Variants in LRMDA observed in about 807,000 individuals in gnomAD.
LRMDA encodes the protein leucine-rich melanocyte differentiation-associated protein.
LRMDA carries 18 observed loss-of-function variants against 29.8 expected under a neutral mutation model. That is an observed-to-expected ratio of 0.60 (90% CI 0.42 to 0.90). The LOEUF is 0.90. Ranked by LOEUF, LRMDA falls within the 40% of genes least tolerant of loss-of-function variation. The pLI, the probability that LRMDA is intolerant of heterozygous loss-of-function variation, is 0.00. For synonymous variants in LRMDA, 125 were observed against 109.4 expected (o/e 1.14, Z -0.89); for missense variants, 273 against 273.9 (o/e 1.00, Z 0.02).
At chr10:75,463,134 G>A (rs1055832865) in intron 2 of LRMDA, among the ~76,000 whole-genome samples, 9 of 152,174 alleles carry the variant, frequency 5.9e-5, no homozygotes, top group African/African-American at 2.2e-4. Flanking sequence ...GCTTCAGCCC[G>A]AGCTGGAGAG....
At chr10:75,795,819 T>A (rs1843642909) in intron 2 of LRMDA, among the ~76,000 whole-genome samples, 1 of 152,236 alleles carries the variant, frequency 6.6e-6, no homozygotes, top group African/African-American at 2.4e-5. Flanking sequence ...TTTTATTGAC[T>A]CTATGAATTT....
At chr10:75,547,713 G>A (rs1229496646) in intron 2 of LRMDA, among the ~76,000 whole-genome samples, 1 of 152,158 alleles carries the variant, frequency 6.6e-6, no homozygotes, top group East Asian at 1.9e-4. Context: ...AAAAGAAAAA[G>A]AAAGGTGGGC....
chr10:76,423,896 C>G (rs1012642532), intron 6 of LRMDA, among the ~76,000 whole-genome samples: 2 of 152,204 alleles, frequency 1.3e-5, no homozygotes, highest in South Asian at 4.2e-4. Context: ...GGGAGGTGTC[C>G]ATGGTTACTA....
chr10:76,430,080 T>G (rs1842175360), intron 6 of LRMDA, among the ~76,000 whole-genome samples: 1 of 152,246 alleles, frequency 6.6e-6, no homozygotes, highest in South Asian at 2.1e-4. Flanking sequence ...AGCTGGAAAC[T>G]TGTAGCCTGG....
chr10:75,519,309 T>G (rs1193161423), intron 2 of LRMDA, among the ~76,000 whole-genome samples: 2 of 152,208 alleles, frequency 1.3e-5, no homozygotes, highest in Non-Finnish European at 2.9e-5. Flanking sequence ...TGTTAAAGTC[T>G]CCAACTATTA....
rs552889387 is a variant in LRMDA, at chr10:75,962,224, C to A, written c.132-73784C>A. Among the ~76,000 whole-genome samples, 4 of 152,210 alleles carry A rather than the reference C, an allele frequency of 2.6e-5. No individual in the cohort carries two copies. In the South Asian group the frequency reaches 8.3e-4, roughly 32 times the overall value. On this transcript the variant is annotated intron_variant, in intron 2 of 6. Transcript: ENST00000611255. ...GACCCACTAGGCACTAGGGAGTGAG[C>A]TACTGCAGAGTGGCCCCACAAGCAA...
chr10:75,943,957 A>G (rs992996117), intron 2 of LRMDA, among the ~76,000 whole-genome samples: 1 of 152,236 alleles, frequency 6.6e-6, no homozygotes, highest in Non-Finnish European at 1.5e-5. Flanking sequence ...TTTGAAAGAA[A>G]TTGAAAGAAG....
chr10:75,553,042 T>C (rs1376753743), intron 2 of LRMDA, among the ~76,000 whole-genome samples: 2 of 152,234 alleles, frequency 1.3e-5, no homozygotes, highest in Non-Finnish European at 2.9e-5. Flanking sequence ...GCATCACATC[T>C]GTTTCTGGTA....
chr10:75,433,800 A>G (rs751940519), intron 1 of LRMDA, among the ~76,000 whole-genome samples: 3 of 152,180 alleles, frequency 2.0e-5, no homozygotes, highest in Non-Finnish European at 2.9e-5. Context: ...ATATCCAGAG[A>G]CCTATAAATC....
intron 2 of LRMDA, among the ~76,000 whole-genome samples, chr10:75,871,625 G>C (rs556941967): frequency 6.6e-6 from 1 of 151,962 alleles, no homozygotes; most frequent in African/African-American, 2.4e-5. Flanking sequence ...TCCTGCCCCC[G>C]TGTCCTCTCA....
chr10:76,360,715 A>C (rs925617662), intron 6 of LRMDA, among the ~76,000 whole-genome samples: 2 of 152,170 alleles, frequency 1.3e-5, no homozygotes, highest in African/African-American at 2.4e-5. Context: ...AATTTCTCAC[A>C]GGACATATTT....
intron 2 of LRMDA, among the ~76,000 whole-genome samples, chr10:75,564,429 C>T (rs1006385693): frequency 1.3e-5 from 2 of 152,310 alleles, no homozygotes; most frequent in East Asian, 1.9e-4. Context: ...TTCCAGGTGC[C>T]GTCTTTCACC....
chr10:76,464,617 C>A lies in LRMDA; in HGVS notation c.602-92592C>A, dbSNP rs1842546065. Among the ~76,000 whole-genome samples, 5 of 152,314 alleles carry A rather than the reference C, an allele frequency of 3.3e-5. No individual in the cohort carries two copies. In the South Asian group the frequency reaches 1.0e-3, roughly 32 times the overall value. On this transcript the variant is annotated intron_variant, in intron 6 of 6. Coordinates refer to ENST00000611255, the MANE Select transcript of LRMDA (RefSeq NM_001305581.2). Reference sequence around the variant, plus strand: ...CATCTGTTGGCCACCTTGTTGTTTACCCCTTTGAGTAAAAATAAGCAAAAA... The same window carrying A: ...CATCTGTTGGCCACCTTGTTGTTTAACCCTTTGAGTAAAAATAAGCAAAAA...
At chr10:75,662,570 A>G (rs575933268) in intron 2 of LRMDA, among the ~76,000 whole-genome samples, 3 of 152,372 alleles carry the variant, frequency 2.0e-5, no homozygotes, top group East Asian at 1.9e-4. Context: ...TGCAAAAAGA[A>G]TATGTGGTTT....
At chr10:76,135,422 AC>A (rs1850076137) in intron 5 of LRMDA, among the ~76,000 whole-genome samples, 1 of 152,092 alleles carries the variant, frequency 6.6e-6, no homozygotes. Flanking sequence ...GCTTTTGATA[AC>A]CCTTCAAGGC....
At chr10:76,524,466 C>T (rs529768041) in intron 6 of LRMDA, among the ~76,000 whole-genome samples, 1 of 152,294 alleles carries the variant, frequency 6.6e-6, no homozygotes, top group African/African-American at 2.4e-5. Context: ...TTAGTGAAAA[C>T]AAGTACCCAG....
intron 2 of LRMDA, among the ~76,000 whole-genome samples, chr10:75,761,862 G>T (rs2132228176): frequency 6.7e-6 from 1 of 148,258 alleles, no homozygotes; most frequent in African/African-American, 2.5e-5. Context: ...GGAATGCAGT[G>T]GTATCTTGGC....
intron 2 of LRMDA, among the ~76,000 whole-genome samples, chr10:75,946,774 C>T (rs1322039814): frequency 1.3e-5 from 2 of 152,146 alleles, no homozygotes; most frequent in Non-Finnish European, 2.9e-5. Context: ...GTAGTTACAT[C>T]CCGCCTGCTA....
intron 2 of LRMDA, among the ~76,000 whole-genome samples, chr10:75,579,358 C>G (rs1263669325): frequency 6.6e-6 from 1 of 152,066 alleles, no homozygotes; most frequent in East Asian, 1.9e-4. Flanking sequence ...TACACCCTCC[C>G]AAGACTAAAC....
Sources: gnomAD v4.1 joint callset for allele counts (sites outside exome capture counted in the v4.1 genomes callset) on GRCh38, gnomAD v4.1.1 for gene constraint, MANE v1.5 for transcripts, NCBI Gene and HGNC (gene_info 2026-07-23, HGNC 2026-07-21) for gene names.